The following RCAN1 variants were observed in gnomAD, a reference collection of about 807,000 sequenced individuals.
RCAN1 encodes calcipressin-1.
Under a neutral mutation model 22.9 loss-of-function variants are expected in RCAN1, and 11 were observed. The observed-to-expected ratio is 0.48, with a 90% CI of 0.30 to 0.79. The LOEUF (loss-of-function observed/expected upper bound fraction) is 0.79. Ranked by LOEUF, RCAN1 falls within the 30% of genes least tolerant of loss-of-function variation. The pLI is 0.06. For synonymous variants in RCAN1, 136 were observed against 142.3 expected (o/e 0.96, Z 0.32); for missense variants, 291 against 337.8 (o/e 0.86, Z 1.09).
intron 1 of RCAN1, among the ~76,000 whole-genome samples, chr21:34,563,770 A>ATATATATAT (rs1491234478): frequency 1.5e-5 from 1 of 65,440 alleles, no homozygotes. Context: ...AAAAAAAAAA[A>ATATATATAT]ATATATATAT....
Position 34,535,226 on chromosome 21 carries a change from T to C in RCAN1, c.253-11516A>G, listed in dbSNP as rs1049000786. 3.3e-5 allele frequency among the ~76,000 whole-genome samples: 5 copies of C among 152,212 alleles called. No homozygotes were observed. In the East Asian group the frequency reaches 5.8e-4, roughly 18 times the overall value. Reference sequence around the variant, plus strand: ...TTTAGGCTTTTTCATGATAAGCAAGTGTAAGAAAGAGAACAGAAGAACATT... The same window carrying C: ...TTTAGGCTTTTTCATGATAAGCAAGCGTAAGAAAGAGAACAGAAGAACATT... On this transcript the variant is annotated intron_variant, in intron 1 of 3. Transcript: ENST00000313806.
chr21:34,591,624 G>A (rs1987976862), intron 1 of RCAN1, among the ~76,000 whole-genome samples: 1 of 152,202 alleles, frequency 6.6e-6, no homozygotes. Flanking sequence ...ACTATTTTAA[G>A]ACTAAATAGA....
At chr21:34,567,386 A>G (rs1358253867) in intron 1 of RCAN1, among the ~76,000 whole-genome samples, 1 of 151,974 alleles carries the variant, frequency 6.6e-6, no homozygotes, top group East Asian at 1.9e-4. Flanking sequence ...AGTCCCAGCT[A>G]CTCGGGAGAC....
At position 34,614,452 on chromosome 21, in the gene RCAN1, G is replaced by A; in HGVS notation, c.252+308C>T. 9.9e-7 allele frequency: 1 copy of A among 1,014,054 alleles called. No homozygotes were observed. Among genetic ancestry groups the A allele is most frequent in the Non-Finnish European group, 1.2e-6 (1 of 849,108 alleles). The allele number at this position is 1,014,054 out of a possible 1,614,324, so 62.8% of individuals were successfully genotyped here. ...GATGGCGAGAGCGCAGGGGGCGGCG[G>A]CGCTGCCCCACCTTGGGGAGCGAAT... On this transcript the variant is annotated intron_variant, in intron 1 of 3. Transcript: ENST00000313806. The surrounding 1 kb of genome is among the most constrained non-coding windows in gnomAD (Gnocchi z 6.0).
rs1414023537 is a variant in RCAN1 at position 34,606,219 on chromosome 21, G to A, written c.252+8541C>T. On this transcript the variant is annotated intron_variant, in intron 1 of 3. Transcript: ENST00000313806. ...GAAATGGCCAATCACAAACAACCCC[G>A]GGCACAGTGACCTTTTTCAGCACAT... Among the ~76,000 whole-genome samples the A allele has an allele frequency of 2.6e-5, 4 of 152,142 alleles. No individual in the cohort carries two copies. In the East Asian group the frequency reaches 5.8e-4, roughly 22 times the overall value.
At chr21:34,574,801 G>A (rs530981172) in intron 1 of RCAN1, among the ~76,000 whole-genome samples, 48 of 152,316 alleles carry the variant, frequency 3.2e-4, no homozygotes, top group South Asian at 8.3e-4. Flanking sequence ...GGTGCCTCCC[G>A]CGTCAGAAGC....
chr21:34,531,775 C>G (rs1461641034), intron 1 of RCAN1, among the ~76,000 whole-genome samples: 1 of 152,170 alleles, frequency 6.6e-6, no homozygotes, highest in African/African-American at 2.4e-5. Context: ...ACACTCCCCT[C>G]TTCTCTTCCC....
chr21:34,577,517 T>G lies in RCAN1; in HGVS notation c.252+37243A>C, dbSNP rs554024053. Among the ~76,000 whole-genome samples the G allele has an allele frequency of 1.1e-4, 17 of 152,260 alleles. No homozygotes were observed. The East Asian group carries it at 3.1e-3, about 28-fold the overall frequency. On this transcript the variant is annotated intron_variant, in intron 1 of 3. Coordinates refer to ENST00000313806, the MANE Select transcript of RCAN1 (RefSeq NM_004414.7). ...GGGAGGCTGAGGTGGGAGGATCACT[T>G]GAGTCCAGGTGGTAGAGGCTACAGT... is the stretch of plus-strand genomic sequence containing the variant.
At chr21:34,571,249 T>C (rs11909222) in intron 1 of RCAN1, among the ~76,000 whole-genome samples, 114,832 of 152,078 alleles carry the variant, frequency 0.76, 43,564 homozygotes, top group East Asian at 0.94. Context: ...GCCGAGATCG[T>C]ACCATTGCAC....
chr21:34,551,393 G>A (rs905637039), intron 1 of RCAN1, among the ~76,000 whole-genome samples: 7 of 152,136 alleles, frequency 4.6e-5, no homozygotes, highest in South Asian at 4.1e-4. Flanking sequence ...TTAAAATAAT[G>A]ATGTTGATTT....
At chr21:34,578,140 C>CA (rs1159727682) in intron 1 of RCAN1, among the ~76,000 whole-genome samples, 4 of 152,108 alleles carry the variant, frequency 2.6e-5, no homozygotes, top group Non-Finnish European at 5.9e-5. Context: ...AGGCCACATG[C>CA]AAAAACACAA....
intron 1 of RCAN1, among the ~76,000 whole-genome samples, chr21:34,579,642 A>G (rs547488503): frequency 1.3e-5 from 2 of 152,340 alleles, no homozygotes; most frequent in East Asian, 3.9e-4. Context: ...AACCTAACCT[A>G]GTACAGTTGC....
At chr21:34,558,748 G>A (rs75490424) in intron 1 of RCAN1, among the ~76,000 whole-genome samples, 1 of 152,172 alleles carries the variant, frequency 6.6e-6, no homozygotes, top group Admixed American at 6.5e-5. Context: ...TCTAGCTCTC[G>A]CTTTTCCAGT....
intron 1 of RCAN1, among the ~76,000 whole-genome samples, chr21:34,544,878 G>T (rs529459517): frequency 6.6e-6 from 1 of 152,204 alleles, no homozygotes; most frequent in Non-Finnish European, 1.5e-5. Flanking sequence ...GGGTAGTGAG[G>T]GCACCTTGTG....
At chr21:34,529,489 G>C (rs1418444107) in intron 1 of RCAN1, among the ~76,000 whole-genome samples, 3 of 152,126 alleles carry the variant, frequency 2.0e-5, no homozygotes, top group Non-Finnish European at 4.4e-5. Flanking sequence ...GACAATTCTT[G>C]CTAAGAGAGT....
At chr21:34,555,216 T>C (rs771753438) in intron 1 of RCAN1, among the ~76,000 whole-genome samples, 1 of 152,178 alleles carries the variant, frequency 6.6e-6, no homozygotes, top group African/African-American at 2.4e-5. Flanking sequence ...ATCACTGAAA[T>C]GCAGTGAGTG....
intron 1 of RCAN1, among the ~76,000 whole-genome samples, chr21:34,594,128 A>G (rs1036869194): frequency 6.6e-6 from 1 of 152,200 alleles, no homozygotes; most frequent in African/African-American, 2.4e-5. Flanking sequence ...AAAATAAACA[A>G]TCTGAGAGCT....
intron 2 of RCAN1, chr21:34,522,183 T>C (rs1386040882): frequency 9.7e-6 from 1 of 102,958 alleles, no homozygotes; most frequent in Non-Finnish European, 2.2e-5. Context: ...CTGGATCAGA[T>C]GCCAGAAAAA....
rs138439630 is a variant in RCAN1, at chr21:34,541,112, G to A, written c.253-17402C>T. On this transcript the variant is annotated intron_variant, in intron 1 of 3. Transcript: ENST00000313806. ...CTACAGGGGCTTAAGATGGAAGCTT[G>A]AGTGATGAGACTGCAGCTCCAGTGA... 6.5e-3 allele frequency among the ~76,000 whole-genome samples: 996 copies of A among 152,292 alleles called. 7 individuals are homozygous for A. Among genetic ancestry groups the A allele is most frequent in the African/African-American group, 0.018 (749 of 41,566 alleles).
Sources: gnomAD v4.1 joint callset for allele counts (sites outside exome capture counted in the v4.1 genomes callset) on GRCh38, gnomAD v4.1.1 for gene constraint, Gnocchi (gnomAD v3.1) non-coding constraint, MANE v1.5 for transcripts, NCBI Gene and HGNC (gene_info 2026-07-23, HGNC 2026-07-21) for gene names.